DIAPH3: variants seen among roughly 807,000 people sequenced by gnomAD.
The protein encoded by DIAPH3 is protein diaphanous homolog 3.
DIAPH3 carries 117 observed loss-of-function variants against 144.3 expected under a neutral mutation model. The observed-to-expected ratio is 0.81, with a 90% CI of 0.70 to 0.95. The LOEUF is 0.95. Among genes scored for constraint, DIAPH3 ranks in the 40% least tolerant of loss-of-function variants. The pLI, the probability that DIAPH3 is intolerant of heterozygous loss-of-function variation, is 0.00. For missense variants in DIAPH3, 1,421 were observed against 1,412.7 expected, an observed-to-expected ratio of 1.01 and a Z score of -0.09; for synonymous variants, 519 against 488.9, an observed-to-expected ratio of 1.06 and a Z score of -0.81.
intron 24 of DIAPH3, among the ~76,000 whole-genome samples, chr13:59,811,860 AATTTCTT>A (rs373180204): frequency 4.0e-5 from 6 of 151,872 alleles, no homozygotes; most frequent in South Asian, 2.1e-4. Flanking sequence ...TTATTTGTTT[AATTTCTT>A]ATTTCTTAAG....
intron 24 of DIAPH3, among the ~76,000 whole-genome samples, chr13:59,811,358 G>T (rs1433004578): frequency 6.6e-6 from 1 of 152,032 alleles, no homozygotes; most frequent in Non-Finnish European, 1.5e-5. Context: ...CATAATAAAA[G>T]AAGTGAAATC....
intron 22 of DIAPH3, among the ~76,000 whole-genome samples, chr13:59,844,250 T>C (rs183279428): frequency 5.3e-4 from 81 of 152,190 alleles, no homozygotes; most frequent in African/African-American, 1.9e-3. Flanking sequence ...AGGAACTATA[T>C]TTTATGTCTT....
At chr13:59,834,093 C>A (rs780390843) in intron 23 of DIAPH3, among the ~76,000 whole-genome samples, 3 of 151,566 alleles carry the variant, frequency 2.0e-5, no homozygotes, top group Non-Finnish European at 4.4e-5. Flanking sequence ...TCACTCATGA[C>A]AATATATTTC....
intron 22 of DIAPH3, among the ~76,000 whole-genome samples, chr13:59,845,331 C>G (rs1487535147): frequency 6.6e-6 from 1 of 152,042 alleles, no homozygotes; most frequent in Non-Finnish European, 1.5e-5. Flanking sequence ...TGTGAGCCAC[C>G]GCGCCTGGCT....
At chr13:60,129,494 T>C (rs975543461) in intron 2 of DIAPH3, among the ~76,000 whole-genome samples, 24 of 152,324 alleles carry the variant, frequency 1.6e-4, no homozygotes, top group Admixed American at 1.2e-3. Context: ...ACTCAAGAAA[T>C]AACCTTAAAA....
chr13:59,928,025 T>C (rs2047837391), intron 17 of DIAPH3, among the ~76,000 whole-genome samples: 1 of 152,162 alleles, frequency 6.6e-6, no homozygotes, highest in Non-Finnish European at 1.5e-5. Flanking sequence ...AACACAAATA[T>C]ATATTTGCTT....
chr13:59,693,693 A>C (rs1426072294), intron 27 of DIAPH3, among the ~76,000 whole-genome samples: 1 of 152,198 alleles, frequency 6.6e-6, no homozygotes, highest in Non-Finnish European at 1.5e-5. Flanking sequence ...AAAAATGATA[A>C]TGTTTTTAAT....
At chr13:60,148,046 G>A (rs954607167) in intron 1 of DIAPH3, among the ~76,000 whole-genome samples, 2 of 152,134 alleles carry the variant, frequency 1.3e-5, no homozygotes, top group Non-Finnish European at 2.9e-5. Flanking sequence ...AAGTACCCAG[G>A]AAGCATAATC....
chr13:59,753,682 C>T (rs557981946), intron 27 of DIAPH3, among the ~76,000 whole-genome samples: 1 of 152,168 alleles, frequency 6.6e-6, no homozygotes, highest in African/African-American at 2.4e-5. Flanking sequence ...GCCTTCCATC[C>T]AATTTGTTAT....
intron 21 of DIAPH3, among the ~76,000 whole-genome samples, chr13:59,870,339 T>C (rs1359811464): frequency 1.3e-5 from 2 of 152,112 alleles, no homozygotes; most frequent in East Asian, 1.9e-4. Context: ...TTATTTTTTT[T>C]CCCTTTGGCC....
chr13:60,012,038 C>T (rs112917077), intron 7 of DIAPH3, among the ~76,000 whole-genome samples: 90 of 152,014 alleles, frequency 5.9e-4, no homozygotes, highest in African/African-American at 2.0e-3. Context: ...AGAGTTACTA[C>T]CAAACACTAA....
chr13:60,010,635 C>T lies in DIAPH3; in HGVS notation c.806G>A (p.Ser269Asn). The change falls in exon 8 of 28, where the codon AGC (serine) becomes AAC (asparagine). Residue 269 changes from serine (S) to asparagine (N), a missense_variant. Coordinates refer to ENST00000400324, the MANE Select transcript of DIAPH3 (RefSeq NM_001042517.2). The part of the protein sequence containing the change: ...GLERIMSEER[S>N]LSLLAKAVDP... ...CACGGCTTTGGCCAATAAGGAAAGG[C>T]TCCTCTCCTCACTCATAATTCTTTC... 1 of 1,613,648 alleles carries T rather than the reference C, an allele frequency of 6.2e-7. No homozygotes were observed. Among genetic ancestry groups the T allele is most frequent in the Non-Finnish European group, 8.5e-7 (1 of 1,179,744 alleles).
intron 24 of DIAPH3, among the ~76,000 whole-genome samples, chr13:59,811,942 T>G (rs2040499832): frequency 6.6e-6 from 1 of 151,964 alleles, no homozygotes. Context: ...AAACATGGGA[T>G]TTTTAAGTGC....
chr13:59,976,448 A>T (rs2050684959), intron 14 of DIAPH3, among the ~76,000 whole-genome samples: 1 of 151,296 alleles, frequency 6.6e-6, no homozygotes, highest in African/African-American at 2.4e-5. Flanking sequence ...CACTATGGGC[A>T]CATATGGCTG....
intron 17 of DIAPH3, among the ~76,000 whole-genome samples, chr13:59,936,283 C>A (rs2048256484): frequency 6.6e-6 from 1 of 152,110 alleles, no homozygotes; most frequent in Admixed American, 6.6e-5. Flanking sequence ...CAAAATATTT[C>A]ATAAAAACTG....
In DIAPH3 at chr13:60,156,918, C is replaced by CACATATATATAT. The variant is rs1324633645; in HGVS notation, c.180+6668_180+6669insATATATATATGT. ...TAGTGGCCCAGAGACCCAGATCCTT[C>CACATATATATAT]ATATATATATATATATATATATTTT... On this transcript the variant is annotated intron_variant, in intron 1 of 27. Coordinates refer to ENST00000400324, the MANE Select transcript of DIAPH3 (RefSeq NM_001042517.2). Among the ~76,000 whole-genome samples the CACATATATATAT allele has an allele frequency of 5.9e-4, 33 of 55,614 alleles. 1 individual carries two copies. Among genetic ancestry groups the CACATATATATAT allele is most frequent in the African/African-American group, 2.1e-3 (26 of 12,438 alleles). The allele number at this position is 55,614 out of a possible 152,430, so 36.5% of individuals were successfully genotyped here.
chr13:59,963,977 A>G (rs1194375329), intron 17 of DIAPH3, among the ~76,000 whole-genome samples: 1 of 152,232 alleles, frequency 6.6e-6, no homozygotes, highest in Non-Finnish European at 1.5e-5. Flanking sequence ...ATGACAGAAC[A>G]TGATGCAGAC....
At chr13:59,879,888 G>A (rs556864553) in intron 20 of DIAPH3, among the ~76,000 whole-genome samples, 1 of 152,218 alleles carries the variant, frequency 6.6e-6, no homozygotes, top group African/African-American at 2.4e-5. Flanking sequence ...AAGAGGGTTT[G>A]TTTTCTTCAA....
chr13:59,958,633 G>GA (rs2049549680), intron 17 of DIAPH3, among the ~76,000 whole-genome samples: 1 of 151,282 alleles, frequency 6.6e-6, no homozygotes, highest in African/African-American at 2.4e-5. Flanking sequence ...TTATTTCCCA[G>GA]AAAAAAATGA....
Sources: allele counts gnomAD v4.1 joint callset (sites outside exome capture counted in the v4.1 genomes callset), GRCh38; gene constraint gnomAD v4.1.1; transcripts MANE v1.5; gene names NCBI Gene and HGNC (gene_info 2026-07-23, HGNC 2026-07-21).